KLHL29: variants seen among roughly 807,000 people sequenced by gnomAD.
The protein encoded by KLHL29 is kelch-like protein 29.
A neutral mutation model predicts 80.4 loss-of-function variants in KLHL29; 21 were observed. The observed-to-expected ratio is 0.26, with a 90% CI of 0.19 to 0.38. The LOEUF is 0.38. KLHL29 is among the 10% of genes least tolerant of loss of function. The pLI, the probability that KLHL29 is intolerant of heterozygous loss-of-function variation, is 1.00. For synonymous variants in KLHL29, 511 were observed against 526.8 expected (o/e 0.97, Z 0.41); for missense variants, 867 against 1,223.9 (o/e 0.71, Z 4.35).
In KLHL29 at chr2:23,647,806, A is replaced by G. The variant is rs1161524696; in HGVS notation, c.940+4956A>G. 6.6e-6 allele frequency among the ~76,000 whole-genome samples: 1 copy of G among 151,978 alleles called. No individual in the cohort carries two copies. The highest frequency in any genetic ancestry group is 1.5e-5 in the Non-Finnish European group (1 of 67,990). On this transcript the variant is annotated intron_variant, in intron 5 of 13. Transcript: ENST00000486442. The surrounding 1 kb of genome is among the most constrained non-coding windows in gnomAD (Gnocchi z 4.9). ...TAACCACCCCAGGCCTTGGCTCTCC[A>G]GTCTAGCCGTGCACTGTGCCTCGGT...
At chr2:23,440,477 T>TG (rs1663483444) in intron 1 of KLHL29, among the ~76,000 whole-genome samples, 2 of 152,002 alleles carry the variant, frequency 1.3e-5, no homozygotes, top group South Asian at 4.1e-4. Flanking sequence ...AATTGACAAA[T>TG]GGGATCTAAT....
At chr2:23,504,583 A>G (rs540112178) in intron 2 of KLHL29, among the ~76,000 whole-genome samples, 68 of 152,352 alleles carry the variant, frequency 4.5e-4, no homozygotes, top group African/African-American at 1.6e-3. Context: ...GGGCAGGGAA[A>G]GAGGCCCAGC....
intron 1 of KLHL29, among the ~76,000 whole-genome samples, chr2:23,411,531 G>A (rs1344025119): frequency 1.3e-5 from 2 of 151,922 alleles, no homozygotes; most frequent in African/African-American, 4.8e-5. Flanking sequence ...AATAAGGCAG[G>A]ACCTCGAGAA....
chr2:23,468,255 T>A (rs1664404576), intron 1 of KLHL29, among the ~76,000 whole-genome samples: 1 of 151,962 alleles, frequency 6.6e-6, no homozygotes, highest in South Asian at 2.1e-4. Flanking sequence ...AGATTATAAA[T>A]CTTCCATGCT....
chr2:23,530,294 C>T (rs1666453338), intron 2 of KLHL29, among the ~76,000 whole-genome samples: 2 of 152,196 alleles, frequency 1.3e-5, no homozygotes, highest in Admixed American at 6.5e-5. Context: ...ATGGGCCCTC[C>T]CACGGCTTGT....
At chr2:23,637,544 A>G (rs1409587878) in intron 3 of KLHL29, among the ~76,000 whole-genome samples, 4 of 152,190 alleles carry the variant, frequency 2.6e-5, no homozygotes, top group African/African-American at 9.7e-5. Flanking sequence ...TCTGAAATGC[A>G]GGCCAGAGAT....
intron 2 of KLHL29, among the ~76,000 whole-genome samples, chr2:23,520,554 C>A (rs1666060050): frequency 6.6e-6 from 1 of 152,224 alleles, no homozygotes; most frequent in Non-Finnish European, 1.5e-5. Context: ...CAGGCCACTG[C>A]CCTGACCTCT....
In KLHL29 at chr2:23,572,700, CT is replaced by C. The variant is rs67663284; in HGVS notation, c.285+10237del. On this transcript the variant is annotated intron_variant, in intron 3 of 13. Transcript: ENST00000486442. ...GAGCAGCCTCCAAAAACAGTGATTT[CT>C]TTTTTTTTTTTTTTTTTGAGACGGA... 6.5e-3 allele frequency among the ~76,000 whole-genome samples: 883 copies of C among 136,828 alleles called. 2 individuals are homozygous for C. The highest frequency in any genetic ancestry group is 8.9e-3 in the Non-Finnish European group (560 of 63,022). 89.8% of individuals were successfully genotyped at this position (136,828 alleles called of 152,430 possible). A position where few individuals can be genotyped will look rare whatever the true frequency, so the allele number is the denominator to read the frequency against.
chr2:23,443,545 C>T (rs955670356), intron 1 of KLHL29, among the ~76,000 whole-genome samples: 4 of 152,198 alleles, frequency 2.6e-5, no homozygotes, highest in African/African-American at 9.7e-5. Flanking sequence ...AGTTATCTTG[C>T]AGAATGTCCC....
chr2:23,508,576 C>A (rs1341804464), intron 2 of KLHL29, among the ~76,000 whole-genome samples: 1 of 152,248 alleles, frequency 6.6e-6, no homozygotes, highest in Non-Finnish European at 1.5e-5. Context: ...GAGAATTAGG[C>A]TCCACCTCTT....
chr2:23,636,474 T>C (rs1227095882), intron 3 of KLHL29, among the ~76,000 whole-genome samples: 1 of 151,688 alleles, frequency 6.6e-6, no homozygotes, highest in East Asian at 1.9e-4. Context: ...GTAGTATTCA[T>C]GAACGACACA....
Position 23,538,430 on chromosome 2 carries a change from T to A in KLHL29, c.-45-23722T>A, listed in dbSNP as rs567244991. 4.6e-5 allele frequency among the ~76,000 whole-genome samples: 7 copies of A among 152,342 alleles called. No homozygotes were observed. In the East Asian group the frequency reaches 1.3e-3, roughly 29 times the overall value. On this transcript the variant is annotated intron_variant, in intron 2 of 13. Transcript: ENST00000486442. ...ATTCTGTTTTATCTTTATCAAGATGTCTAAAAGCTTTTGGCCTAGACCCTC... is the reference window on the plus strand; with the variant it reads ...ATTCTGTTTTATCTTTATCAAGATGACTAAAAGCTTTTGGCCTAGACCCTC...
In KLHL29 at chr2:23,695,769, C is replaced by T. The variant is rs1401019119; in HGVS notation, c.1689C>T (p.Pro563=). The T allele has an allele frequency of 1.3e-6, 2 of 1,551,328 alleles. No homozygotes were observed. The highest frequency in any genetic ancestry group is 2.0e-5 in the Admixed American group (1 of 50,998). ...AGGCCAAACGCTACCATATGCTGCC[C>T]CACGCCCGCCAGGAGATGCAGACGC... ...VNEAKRYHML[P]HARQEMQTPR... is the part of the protein sequence containing the mutation. The change falls in exon 9 of 14, where the codon CCC becomes CCT. Residue 563 remains proline (P), a synonymous_variant. Transcript: ENST00000486442. The surrounding 1 kb of genome is among the most constrained non-coding windows in gnomAD (Gnocchi z 7.6).
intron 2 of KLHL29, among the ~76,000 whole-genome samples, chr2:23,542,312 C>T (rs545278606): frequency 2.0e-5 from 3 of 152,170 alleles, no homozygotes; most frequent in Admixed American, 1.3e-4. Context: ...AGTAGACCCA[C>T]CTGCCTGGAA....
chr2:23,434,892 G>T (rs1237432879), intron 1 of KLHL29, among the ~76,000 whole-genome samples: 1 of 152,194 alleles, frequency 6.6e-6, no homozygotes, highest in Non-Finnish European at 1.5e-5. Context: ...CTGAGAGGGG[G>T]TGGGGAGTGT....
At chr2:23,553,087 C>G (rs1284534815) in intron 2 of KLHL29, among the ~76,000 whole-genome samples, 1 of 152,134 alleles carries the variant, frequency 6.6e-6, no homozygotes, top group African/African-American at 2.4e-5. Context: ...TGGGACTTGT[C>G]AAATCCCTGC....
intron 2 of KLHL29, among the ~76,000 whole-genome samples, chr2:23,498,749 T>C (rs139681939): frequency 5.2e-4 from 79 of 152,386 alleles, no homozygotes; most frequent in African/African-American, 1.9e-3. Flanking sequence ...TTGTGAATTC[T>C]ATTTAAGCTA....
At chr2:23,402,789 G>A (rs1572484245) in intron 1 of KLHL29, among the ~76,000 whole-genome samples, 1 of 152,248 alleles carries the variant, frequency 6.6e-6, no homozygotes, top group East Asian at 1.9e-4. Flanking sequence ...GGTTATTTGA[G>A]AGAATAGTTT....
intron 1 of KLHL29, among the ~76,000 whole-genome samples, chr2:23,462,836 A>G (rs996802482): frequency 1.2e-4 from 18 of 152,216 alleles, no homozygotes; most frequent in African/African-American, 4.3e-4. Flanking sequence ...TAAAAATTAC[A>G]AACTATATAA....
Sources: allele counts gnomAD v4.1 joint callset (sites outside exome capture counted in the v4.1 genomes callset), GRCh38; gene constraint gnomAD v4.1.1; non-coding constraint Gnocchi (gnomAD v3.1); transcripts MANE v1.5; gene names NCBI Gene and HGNC (gene_info 2026-07-23, HGNC 2026-07-21).